Variants in PPP1R21 observed in about 807,000 individuals in gnomAD.
The protein encoded by PPP1R21 is protein phosphatase 1 regulatory subunit 21.
PPP1R21 carries 85 observed loss-of-function variants against 112.8 expected under a neutral mutation model. The observed-to-expected ratio is 0.75, with a 90% confidence interval of 0.63 to 0.90. The LOEUF (loss-of-function observed/expected upper bound fraction) is 0.90, where lower values mean the gene tolerates loss of function less well. PPP1R21 is among the 40% of genes least tolerant of loss of function. PPP1R21 has a pLI of 0.00. For missense variants in PPP1R21, 1,199 were observed against 901.5 expected (o/e 1.33, Z -4.23); for synonymous variants, 381 against 322.3 (o/e 1.18, Z -1.95).
Position 48,458,241 on chromosome 2 carries a change from T to G in PPP1R21, c.375+14T>G. The G allele has an allele frequency of 6.4e-7, 1 of 1,554,406 alleles. No individual in the cohort carries two copies. Among genetic ancestry groups the G allele is most frequent in the South Asian group, 1.1e-5 (1 of 89,550 alleles). ...TTGCATATACAAGTGAGAAAATCTG[T>G]TTTTCTATGTGAATTAAAAAATGGG... On this transcript the variant is annotated intron_variant, in intron 4 of 21. Transcript: ENST00000294952.
At chr2:48,463,931 G>A (rs1399859922) in intron 7 of PPP1R21, among the ~76,000 whole-genome samples, 1 of 152,018 alleles carries the variant, frequency 6.6e-6, no homozygotes, top group Non-Finnish European at 1.5e-5. Context: ...GAGGAGGAAT[G>A]GTATTAGGAG....
At chr2:48,502,662 A>G (rs1259166882) in intron 17 of PPP1R21, among the ~76,000 whole-genome samples, 1 of 150,226 alleles carries the variant, frequency 6.7e-6, no homozygotes, top group Non-Finnish European at 1.5e-5. Flanking sequence ...AAGTAACCTC[A>G]GATAGAAACT....
At chr2:48,487,408 C>T (rs1669350529) in intron 14 of PPP1R21, among the ~76,000 whole-genome samples, 1 of 152,176 alleles carries the variant, frequency 6.6e-6, no homozygotes, top group Middle Eastern at 3.4e-3. Flanking sequence ...AGGTCATGAT[C>T]GTCTGGATCA....
At chr2:48,443,799 T>C (rs888447629) in intron 1 of PPP1R21, among the ~76,000 whole-genome samples, 1 of 152,230 alleles carries the variant, frequency 6.6e-6, no homozygotes, top group Non-Finnish European at 1.5e-5. Flanking sequence ...TTTTATTACC[T>C]TCCCTGGTAC....
chr2:48,507,516 TA>T, intron 19 of PPP1R21, 131 bp downstream of exon 19: 1 of 1,359,740 alleles, frequency 7.4e-7, no homozygotes, highest in South Asian at 1.5e-5. Flanking sequence ...TATGGGTGTG[TA>T]CCACCACGCC....
intron 20 of PPP1R21, among the ~76,000 whole-genome samples, chr2:48,510,457 G>T (rs11687498): frequency 0.095 from 14,469 of 152,128 alleles, 761 homozygotes; most frequent in Non-Finnish European, 0.11. Context: ...CTTTCCTGTT[G>T]CATAAAACGG....
chr2:48,501,029 G>C (rs1228158148), intron 17 of PPP1R21, among the ~76,000 whole-genome samples: 1 of 152,252 alleles, frequency 6.6e-6, no homozygotes, highest in Non-Finnish European at 1.5e-5. Flanking sequence ...CAATCCTGTA[G>C]TGTTCACCAA....
At chr2:48,476,422 A>G (rs920546672) in intron 12 of PPP1R21, among the ~76,000 whole-genome samples, 4 of 152,156 alleles carry the variant, frequency 2.6e-5, no homozygotes, top group African/African-American at 9.7e-5. Context: ...ATTCATGTAC[A>G]AGTTTCTTTG....
intron 3 of PPP1R21, among the ~76,000 whole-genome samples, chr2:48,455,865 T>A (rs1572835749): frequency 6.6e-6 from 1 of 151,692 alleles, no homozygotes; most frequent in South Asian, 2.1e-4. Context: ...ATAGAAAAAA[T>A]TAGCTGGGCG....
rs1667650769 is a variant in PPP1R21, at chr2:48,454,874, C to G, written c.273+133C>G. 3 of 696,896 alleles carry G rather than the reference C, an allele frequency of 4.3e-6. No individual in the cohort carries two copies. The Admixed American group carries it at 7.7e-5, about 18-fold the overall frequency. 43.2% of individuals were successfully genotyped at this position (696,896 alleles called of 1,614,324 possible). A position where few individuals can be genotyped will look rare whatever the true frequency, so the allele number is the denominator to read the frequency against. ...TGTTTGTTTGAGACAGGGTCTTGCT[C>G]TGCCACCCATGCTGGAGTGCTGTGG... is the stretch of plus-strand genomic sequence containing the variant. On this transcript the variant is annotated intron_variant, in intron 3 of 21. Coordinates refer to ENST00000294952, the MANE Select transcript of PPP1R21 (RefSeq NM_001135629.3).
At chr2:48,512,998 T>G (rs898445951) in intron 21 of PPP1R21, among the ~76,000 whole-genome samples, 4 of 152,198 alleles carry the variant, frequency 2.6e-5, no homozygotes, top group Admixed American at 2.0e-4. Flanking sequence ...ATAATTTGTT[T>G]TAGTGTAGTA....
chr2:48,488,697 G>T lies in PPP1R21; in HGVS notation c.1446+1939G>T, dbSNP rs184277709. 1.8e-4 allele frequency among the ~76,000 whole-genome samples: 28 copies of T among 152,236 alleles called. No homozygotes were observed. The East Asian group carries it at 5.0e-3, about 27-fold the overall frequency. ...AATGTCATCTCAAGGAAAGATATCT[G>T]ATCTTCACTCTGGAATTTTAATAAA... On this transcript the variant is annotated intron_variant, in intron 14 of 21. Coordinates refer to ENST00000294952, the MANE Select transcript of PPP1R21 (RefSeq NM_001135629.3).
Position 48,459,888 on chromosome 2 carries a change from G to C in PPP1R21, c.510G>C (p.Glu170Asp), listed in dbSNP as rs777321546. 1 of 1,614,170 alleles carries C rather than the reference G, an allele frequency of 6.2e-7. No homozygotes were observed. Among genetic ancestry groups the C allele is most frequent in the Non-Finnish European group, 8.5e-7 (1 of 1,180,032 alleles). ...GLTRKYMETI[E>D]KLQNDKAKLE... ...CCCGGAAGTACATGGAAACCATTGAGAAGCTGCAGAACGACAAGGCTAAAC... is the reference window on the plus strand; with the variant it reads ...CCCGGAAGTACATGGAAACCATTGACAAGCTGCAGAACGACAAGGCTAAAC... The change falls in exon 5 of 22, where the codon GAG becomes GAC. Residue 170 changes from glutamate to aspartate, a missense_variant. Glu to Asp is a conservative substitution (Grantham distance 45). Coordinates refer to ENST00000294952, the MANE Select transcript of PPP1R21 (RefSeq NM_001135629.3).
At chr2:48,464,106 A>G (rs1296856375) in intron 7 of PPP1R21, among the ~76,000 whole-genome samples, 3 of 152,178 alleles carry the variant, frequency 2.0e-5, no homozygotes, top group African/African-American at 4.8e-5. Context: ...TGTTGAAACA[A>G]TGGACCAGGC....
At chr2:48,491,827 A>G (rs1348195301) in intron 15 of PPP1R21, among the ~76,000 whole-genome samples, 1 of 152,084 alleles carries the variant, frequency 6.6e-6, no homozygotes, top group Non-Finnish European at 1.5e-5. Context: ...TACATGACTC[A>G]AGGGACATCA....
rs1667450665 is a variant in PPP1R21, at chr2:48,451,095, G to A, written c.126+19G>A. The A allele has an allele frequency of 6.2e-7, 1 of 1,601,800 alleles. No homozygotes were observed. Reference sequence around the variant, plus strand: ...TTTAAAGGTGGGCAACAGGATATTTGTGTTGTGAGGGTTAAGTTAGCATTT... The same window carrying A: ...TTTAAAGGTGGGCAACAGGATATTTATGTTGTGAGGGTTAAGTTAGCATTT... On this transcript the variant is annotated intron_variant, in intron 2 of 21. Transcript: ENST00000294952.
rs1669546191 is a variant in PPP1R21, at chr2:48,491,168, A to G, written c.1597A>G (p.Lys533Glu). 1.9e-6 allele frequency: 3 copies of G among 1,609,662 alleles called. No individual in the cohort carries two copies. Among genetic ancestry groups the G allele is most frequent in the Non-Finnish European group, 1.7e-6 (2 of 1,178,768 alleles). ...TGCTGCCTATATGAAGTCTTTGAGA[A>G]AGGTTTGTTAGCTGCTGTTAATATT... ...KAAAYMKSLR[K>E]PLLESVPYEE... The change falls in exon 15 of 22, where the codon AAG becomes GAG. Residue 533 changes from lysine to glutamate, a missense_variant and splice_region_variant. Physicochemically the swap from Lys to Glu is moderately conservative, Grantham distance 56. Transcript: ENST00000294952.
chr2:48,481,526 C>G (rs2103897067), intron 13 of PPP1R21, among the ~76,000 whole-genome samples: 1 of 152,244 alleles, frequency 6.6e-6, no homozygotes, highest in South Asian at 2.1e-4. Context: ...TAACGTAGAA[C>G]CAGTTTGAAA....
intron 7 of PPP1R21, among the ~76,000 whole-genome samples, chr2:48,462,819 T>TG (rs1168565024): frequency 1.3e-5 from 2 of 151,688 alleles, no homozygotes; most frequent in Non-Finnish European, 2.9e-5. Flanking sequence ...TACCTAGGAG[T>TG]GGGACAAGGG....
Sources: allele counts gnomAD v4.1 joint callset (sites outside exome capture counted in the v4.1 genomes callset), GRCh38; gene constraint gnomAD v4.1.1; transcripts MANE v1.5; gene names NCBI Gene and HGNC (gene_info 2026-07-23, HGNC 2026-07-21).